RAP1GDS1: variants seen among roughly 807,000 people sequenced by gnomAD.
The protein encoded by RAP1GDS1 is RAP1, GTP-GDP dissociation stimulator 1.
In RAP1GDS1, 35 loss-of-function variants were observed where a neutral mutation model predicts 71.1. That is an observed-to-expected ratio of 0.49 (90% CI 0.38 to 0.65). RAP1GDS1 has a LOEUF of 0.65. Ranked by LOEUF, RAP1GDS1 falls within the 30% of genes least tolerant of loss-of-function variation. The probability of loss-of-function intolerance (pLI) is 0.00; values close to 1 mark genes in which losing one functional copy is unlikely to be tolerated. For synonymous variants in RAP1GDS1, 229 were observed against 243.1 expected (o/e 0.94, Z 0.54); for missense variants, 663 against 706.1 (o/e 0.94, Z 0.69).
At chr4:98,274,463 G>C (rs1723925027) in intron 1 of RAP1GDS1, among the ~76,000 whole-genome samples, 1 of 152,148 alleles carries the variant, frequency 6.6e-6, no homozygotes, top group Admixed American at 6.5e-5. Flanking sequence ...AATGATACAT[G>C]ATAAATTGTT....
intron 4 of RAP1GDS1, among the ~76,000 whole-genome samples, chr4:98,357,747 T>G (rs1017268298): frequency 7.2e-5 from 11 of 151,938 alleles, no homozygotes; most frequent in African/African-American, 2.7e-4. Context: ...CAAATTAATA[T>G]AATTATAAAT....
intron 13 of RAP1GDS1, among the ~76,000 whole-genome samples, chr4:98,434,478 C>T (rs1197296196): frequency 6.6e-6 from 1 of 152,018 alleles, no homozygotes; most frequent in Non-Finnish European, 1.5e-5. Context: ...TGCTGTTCTC[C>T]TTCTCCATCA....
At chr4:98,345,056 C>T (rs1407666086) in intron 3 of RAP1GDS1, among the ~76,000 whole-genome samples, 3 of 152,180 alleles carry the variant, frequency 2.0e-5, no homozygotes, top group Admixed American at 2.0e-4. Context: ...TTGTCTCGAA[C>T]TCCTGGATTC....
intron 6 of RAP1GDS1, chr4:98,396,249 C>G (rs1744532820): frequency 6.6e-6 from 1 of 152,136 alleles, no homozygotes; most frequent in South Asian, 2.1e-4. Context: ...AACAGCCAAA[C>G]CACATCAGGG....
chr4:98,437,516 A>G (rs144330914), intron 14 of RAP1GDS1, among the ~76,000 whole-genome samples: 83 of 152,262 alleles, frequency 5.5e-4, no homozygotes, highest in African/African-American at 1.9e-3. Flanking sequence ...TTAGGAGGCC[A>G]GGCACGGTGG....
At chr4:98,429,614 C>A in intron 12 of RAP1GDS1, among the ~76,000 whole-genome samples, 1 of 152,098 alleles carries the variant, frequency 6.6e-6, no homozygotes, top group Non-Finnish European at 1.5e-5. Flanking sequence ...ACTTATGTAA[C>A]CAAACACCAC....
rs59924491 is a variant in RAP1GDS1, at chr4:98,300,402, C to CT, written c.112+6902dup. On this transcript the variant is annotated intron_variant, in intron 2 of 14. Coordinates refer to ENST00000408927, the MANE Select transcript of RAP1GDS1 (RefSeq NM_001100427.2). ...AGACTACAGTATAGTGTAGACAGAA[C>CT]TTTTTTTTTTTTTTTGAGGCGGAGT... Among the ~76,000 whole-genome samples the CT allele has an allele frequency of 3.8e-3, 552 of 144,364 alleles. 1 individual carries two copies. The highest frequency in any genetic ancestry group is 7.2e-3 in the Middle Eastern group (2 of 278). 94.7% of individuals were successfully genotyped at this position (144,364 alleles called of 152,430 possible).
At chr4:98,366,074 G>A (rs80088990) in intron 4 of RAP1GDS1, among the ~76,000 whole-genome samples, 9,155 of 152,208 alleles carry the variant, frequency 0.06, 378 homozygotes, top group South Asian at 0.22. Context: ...CATAATATGG[G>A]TGAGTTAATA....
chr4:98,348,301 G>GT (rs1421521171), intron 3 of RAP1GDS1, among the ~76,000 whole-genome samples: 6 of 151,960 alleles, frequency 3.9e-5, no homozygotes, highest in African/African-American at 1.4e-4. Flanking sequence ...GAACTCATTC[G>GT]TTTTTTATGG....
intron 1 of RAP1GDS1, among the ~76,000 whole-genome samples, chr4:98,271,804 TCAA>T (rs1723497721): frequency 6.6e-6 from 1 of 152,172 alleles, no homozygotes; most frequent in Non-Finnish European, 1.5e-5. Flanking sequence ...TTTAATCCTT[TCAA>T]CAATTCTATG....
intron 1 of RAP1GDS1, among the ~76,000 whole-genome samples, chr4:98,264,643 A>C (rs921945255): frequency 6.6e-6 from 1 of 152,212 alleles, no homozygotes; most frequent in Non-Finnish European, 1.5e-5. Flanking sequence ...AATATGACAC[A>C]TACACAAATT....
chr4:98,320,192 G>A (rs1320715661), intron 2 of RAP1GDS1, among the ~76,000 whole-genome samples: 1 of 152,108 alleles, frequency 6.6e-6, no homozygotes, highest in African/African-American at 2.4e-5. Flanking sequence ...TTAAGTTTTG[G>A]GGGAGTCAAA....
chr4:98,439,325 T>C (rs1192530844), intron 14 of RAP1GDS1, among the ~76,000 whole-genome samples: 1 of 152,222 alleles, frequency 6.6e-6, no homozygotes, highest in Non-Finnish European at 1.5e-5. Flanking sequence ...AGGTAAGGTT[T>C]CATTTTTGTC....
intron 2 of RAP1GDS1, among the ~76,000 whole-genome samples, chr4:98,325,694 T>C (rs1732926636): frequency 6.8e-6 from 1 of 146,658 alleles, no homozygotes; most frequent in African/African-American, 2.5e-5. Context: ...ACACCGAATA[T>C]TCTCACTCAT....
At chr4:98,280,577 G>A (rs773541574) in intron 1 of RAP1GDS1, among the ~76,000 whole-genome samples, 2 of 152,090 alleles carry the variant, frequency 1.3e-5, no homozygotes, top group Middle Eastern at 3.2e-3. Flanking sequence ...CACTCTGATG[G>A]TAGTTTCTTT....
chr4:98,336,562 G>A (rs1331161371), intron 2 of RAP1GDS1, among the ~76,000 whole-genome samples: 1 of 151,974 alleles, frequency 6.6e-6, no homozygotes, highest in Non-Finnish European at 1.5e-5. Flanking sequence ...GGTGAATCAC[G>A]GTATAAATGG....
intron 1 of RAP1GDS1, among the ~76,000 whole-genome samples, chr4:98,277,507 C>G (rs1267360305): frequency 2.6e-5 from 4 of 152,100 alleles, no homozygotes; most frequent in Non-Finnish European, 5.9e-5. Context: ...CGTCATAACA[C>G]CAGTATATCT....
At chr4:98,434,186 C>G in intron 13 of RAP1GDS1, 124 bp downstream of exon 13, 3 of 1,136,754 alleles carry the variant, frequency 2.6e-6, no homozygotes, top group South Asian at 1.7e-5. Flanking sequence ...CTGTACCGTT[C>G]TCTGAATCTA....
At chr4:98,352,446 T>G (rs746395716) in intron 3 of RAP1GDS1, 30 bp from the exon 4 acceptor site, 2 of 1,605,582 alleles carry the variant, frequency 1.2e-6, no homozygotes, top group South Asian at 1.1e-5. Flanking sequence ...AATCGTTAGA[T>G]TTTTAATTAA....
Sources: allele counts gnomAD v4.1 joint callset (sites outside exome capture counted in the v4.1 genomes callset), GRCh38; gene constraint gnomAD v4.1.1; transcripts MANE v1.5; gene names NCBI Gene and HGNC (gene_info 2026-07-23, HGNC 2026-07-21).